The following RABGAP1 variants were observed in gnomAD, a reference collection of about 807,000 sequenced individuals.
RABGAP1 encodes the protein RAB GTPase activating protein 1, also known as rab GTPase-activating protein 1.
A neutral mutation model predicts 137.6 loss-of-function variants in RABGAP1; 23 were observed. That is an observed-to-expected ratio of 0.17 (90% confidence interval 0.12 to 0.24). The LOEUF is 0.24. Ranked by LOEUF, RABGAP1 falls within the 10% of genes least tolerant of loss-of-function variation. RABGAP1 has a pLI of 1.00. For missense variants in RABGAP1, 906 were observed against 1,275.8 expected (o/e 0.71, Z 4.42); for synonymous variants, 451 against 450.7 (o/e 1.00, Z -0.01).
intron 12 of RABGAP1, among the ~76,000 whole-genome samples, chr9:123,016,806 G>T (rs2031265731): frequency 6.6e-6 from 1 of 152,166 alleles, no homozygotes; most frequent in Non-Finnish European, 1.5e-5. Flanking sequence ...TGCATTGTTA[G>T]AATAAAGCTG....
intron 13 of RABGAP1, among the ~76,000 whole-genome samples, chr9:123,021,867 GA>G (rs1160085372): frequency 6.6e-6 from 1 of 152,202 alleles, no homozygotes; most frequent in Admixed American, 6.5e-5. Context: ...TCTTATGATA[GA>G]ATGTGTCTGA....
At chr9:123,009,459 A>G (rs766370822) in intron 10 of RABGAP1, among the ~76,000 whole-genome samples, 8 of 152,046 alleles carry the variant, frequency 5.3e-5, no homozygotes, top group Non-Finnish European at 1.0e-4. Flanking sequence ...TTACTTTGGT[A>G]TGTGTGTATA....
chr9:122,969,818 G>A (rs901857993), intron 2 of RABGAP1, among the ~76,000 whole-genome samples: 14 of 152,096 alleles, frequency 9.2e-5, no homozygotes, highest in African/African-American at 3.4e-4. Flanking sequence ...CTCCCACACT[G>A]ACCTCCTAAA....
chr9:122,996,487 G>T, intron 7 of RABGAP1, 52 bp from the exon 8 acceptor site: 4 of 1,509,410 alleles, frequency 2.7e-6, no homozygotes, highest in Non-Finnish European at 3.6e-6. Flanking sequence ...TAATTTAAAC[G>T]TTCTTTTGTG....
At chr9:123,043,703 C>G (rs978074452) in intron 13 of RABGAP1, among the ~76,000 whole-genome samples, 2 of 151,762 alleles carry the variant, frequency 1.3e-5, no homozygotes, top group African/African-American at 4.8e-5. Context: ...AACTCTGAAA[C>G]TGATGTCTAA....
Position 122,988,500 on chromosome 9 carries a change from T to A in RABGAP1, c.591-797T>A, listed in dbSNP as rs1251745296. ...GGCATCCTTTTGCTTTTATTCATGA[T>A]TTTTTTTTTTTTGAGGAGTTAACAT... On this transcript the variant is annotated intron_variant, in intron 4 of 25. Coordinates refer to ENST00000373647, the MANE Select transcript of RABGAP1 (RefSeq NM_012197.4). Among the ~76,000 whole-genome samples, 4 of 10,056 alleles carry A rather than the reference T, an allele frequency of 4.0e-4. No homozygotes were observed. In the Non-Finnish European group the frequency reaches 0.016, roughly 41 times the overall value. The allele number at this position is 10,056 out of a possible 152,430, so 6.6% of individuals were successfully genotyped here.
At position 123,065,482 on chromosome 9, in the gene RABGAP1, AAAG is replaced by A. The variant is rs1186716442; in HGVS notation, c.1908+22_1908+24del. On this transcript the variant is annotated intron_variant, in intron 14 of 25. Transcript: ENST00000373647. ...GCAAGGTATTTCATGTCAAAAAAAA[AAAG>A]GACTCAATTCTGAGTGGTGGTTCTA... 4.0e-6 allele frequency: 6 copies of A among 1,517,788 alleles called. No homozygotes were observed. In the African/African-American group the frequency reaches 6.9e-5, roughly 17 times the overall value. The allele number at this position is 1,517,788 out of a possible 1,614,324, so 94.0% of individuals were successfully genotyped here.
At chr9:123,083,296 TTG>T (rs2034769664) in intron 19 of RABGAP1, among the ~76,000 whole-genome samples, 1 of 152,230 alleles carries the variant, frequency 6.6e-6, no homozygotes, top group African/African-American at 2.4e-5. Flanking sequence ...TGTGTCAGAG[TTG>T]AAACTTATTC....
intron 2 of RABGAP1, among the ~76,000 whole-genome samples, chr9:122,980,883 A>C (rs1268690322): frequency 2.0e-5 from 3 of 152,120 alleles, no homozygotes; most frequent in Non-Finnish European, 4.4e-5. Context: ...AGGGATTTGC[A>C]TTTTCAGAAA....
At chr9:123,102,683 C>G (rs1019259933) in intron 25 of RABGAP1, among the ~76,000 whole-genome samples, 1 of 152,022 alleles carries the variant, frequency 6.6e-6, no homozygotes, top group African/African-American at 2.4e-5. Context: ...TCTTTCCTTG[C>G]AGTAGGGGAT....
chr9:122,972,231 C>G (rs552178761), intron 2 of RABGAP1, among the ~76,000 whole-genome samples: 1 of 152,188 alleles, frequency 6.6e-6, no homozygotes, highest in East Asian at 1.9e-4. Flanking sequence ...GAGTTCAAGA[C>G]CAGCCTGGGC....
intron 13 of RABGAP1, chr9:123,033,567 C>G (rs566295674): frequency 2.0e-5 from 3 of 152,188 alleles, no homozygotes; most frequent in South Asian, 2.1e-4. Context: ...TTCCCCTCCC[C>G]CTTTCTTCCT....
In RABGAP1 at chr9:123,074,398, C is replaced by T. The variant is rs1158757553; in HGVS notation, c.2223C>T (p.Val741=). The T allele has an allele frequency of 6.2e-7, 1 of 1,613,412 alleles. No homozygotes were observed. The highest frequency in any genetic ancestry group is 1.7e-5 in the Admixed American group (1 of 60,004). Residue 741 remains valine, a synonymous_variant, in exon 17 of 26, where the codon GTC becomes GTT. Coordinates refer to ENST00000373647, the MANE Select transcript of RABGAP1 (RefSeq NM_012197.4). The part of the protein sequence containing the change: ...LFTAKFPLYM[V]FHIIDLLLCE... ...CTGCAAAATTCCCTCTCTACATGGTCTTCCATATCATCGACCTGCTTTTAT... is the reference window on the plus strand; with the variant it reads ...CTGCAAAATTCCCTCTCTACATGGTTTTCCATATCATCGACCTGCTTTTAT...
At chr9:122,981,476 AAAATCATTAATC>A (rs1432991100) in intron 2 of RABGAP1, among the ~76,000 whole-genome samples, 1 of 152,214 alleles carries the variant, frequency 6.6e-6, no homozygotes, top group East Asian at 1.9e-4. Flanking sequence ...GTCATGGTCA[AAAATCATTAATC>A]TAAGATTGTT....
At chr9:122,989,765 A>G in intron 5 of RABGAP1, 1 of 519,660 alleles carries the variant, frequency 1.9e-6, no homozygotes, top group South Asian at 2.7e-5. Context: ...TTTTAAATCA[A>G]AACTTGTTAG....
intron 20 of RABGAP1, 96 bp downstream of exon 20, chr9:123,089,946 C>A: frequency 8.9e-7 from 1 of 1,118,268 alleles, no homozygotes; most frequent in Non-Finnish European, 1.3e-6. Flanking sequence ...TTTTAAAATT[C>A]AATTCCTCTG....
At chr9:122,974,465 A>C (rs1295173859) in intron 2 of RABGAP1, among the ~76,000 whole-genome samples, 1 of 116,856 alleles carries the variant, frequency 8.6e-6, no homozygotes, top group Non-Finnish European at 1.6e-5. Context: ...TTTGCTTGAT[A>C]TAGAAAACCA....
intron 12 of RABGAP1, among the ~76,000 whole-genome samples, chr9:123,016,586 G>A (rs1461267702): frequency 1.3e-5 from 2 of 152,092 alleles, no homozygotes; most frequent in African/African-American, 2.4e-5. Flanking sequence ...AGATATTCTG[G>A]TAAGTCAGGT....
intron 18 of RABGAP1, 91 bp from the exon 19 acceptor site, chr9:123,076,543 A>G (rs2034516656): frequency 7.2e-7 from 1 of 1,390,922 alleles, no homozygotes; most frequent in Non-Finnish European, 9.7e-7. Flanking sequence ...GGGGATTGTA[A>G]AAGTGCTGAA....
Sources: allele counts gnomAD v4.1 joint callset (sites outside exome capture counted in the v4.1 genomes callset), GRCh38; gene constraint gnomAD v4.1.1; transcripts MANE v1.5; gene names NCBI Gene and HGNC (gene_info 2026-07-23, HGNC 2026-07-21).